Variants in FAM107B observed in about 807,000 individuals in gnomAD.
FAM107B encodes protein FAM107B.
FAM107B carries 21 observed loss-of-function variants against 31.5 expected under a neutral mutation model. The observed-to-expected ratio is 0.67, with a 90% confidence interval of 0.47 to 0.96. The LOEUF (loss-of-function observed/expected upper bound fraction) is 0.96, where lower values mean the gene tolerates loss of function less well. Ranked by LOEUF, FAM107B falls within the 40% of genes least tolerant of loss-of-function variation. The pLI is 0.00. For missense variants in FAM107B, 452 were observed against 377.1 expected (o/e 1.20, Z -1.64); for synonymous variants, 157 against 141.5 (o/e 1.11, Z -0.78).
chr10:14,723,639 A>G, intron 1 of FAM107B: 2 of 723,300 alleles, frequency 2.8e-6, no homozygotes, highest in Non-Finnish European at 5.1e-6. Context: ...GAAGGTTAAC[A>G]TAGGATTACT....
chr10:14,632,610 CAAAA>C (rs5783414), intron 2 of FAM107B, among the ~76,000 whole-genome samples: 1 of 90,530 alleles, frequency 1.1e-5, no homozygotes, highest in Non-Finnish European at 2.2e-5. Context: ...GACTCTGTCT[CAAAA>C]AAAAAAAAAA....
chr10:14,522,429 T>TC (rs1447396269), intron 3 of FAM107B, among the ~76,000 whole-genome samples: 1 of 151,096 alleles, frequency 6.6e-6, no homozygotes, highest in Non-Finnish European at 1.5e-5. Context: ...TTTTTTTTTT[T>TC]CTGAGACAGA....
At chr10:14,764,360 T>C (rs959858463) in intron 1 of FAM107B, among the ~76,000 whole-genome samples, 1 of 152,230 alleles carries the variant, frequency 6.6e-6, no homozygotes, top group Non-Finnish European at 1.5e-5. Flanking sequence ...AATCAAATCC[T>C]GCCTATGTGC....
intron 2 of FAM107B, among the ~76,000 whole-genome samples, chr10:14,633,983 A>G (rs978853524): frequency 6.6e-6 from 1 of 152,224 alleles, no homozygotes. Context: ...CTGAAGGGAC[A>G]CAGTAACATT....
chr10:14,586,982 G>A (rs1851864760), intron 2 of FAM107B, among the ~76,000 whole-genome samples: 3 of 152,208 alleles, frequency 2.0e-5, no homozygotes, highest in Admixed American at 2.0e-4. Context: ...AGTCCTATGA[G>A]AATGGAATAG....
In FAM107B at chr10:14,521,208, G is replaced by A; in HGVS notation, c.903C>T (p.Ala301=). The change falls in exon 5 of 5, where the codon GCC becomes GCT. Residue 301 remains alanine (A), a synonymous_variant. Coordinates refer to ENST00000181796, the MANE Select transcript of FAM107B (RefSeq NM_031453.4). The part of the protein sequence containing the change: ...GNLRRTGQEV[A]QAQES Reference sequence around the variant, plus strand: ...CCTCAGCCTAGGACTCCTGGGCTTGGGCGACTTCTTGGCCTGTTCTCCTGA... The same window carrying A: ...CCTCAGCCTAGGACTCCTGGGCTTGAGCGACTTCTTGGCCTGTTCTCCTGA... 1 of 1,614,072 alleles carries A rather than the reference G, an allele frequency of 6.2e-7. No individual in the cohort carries two copies. The highest frequency in any genetic ancestry group is 8.5e-7 in the Non-Finnish European group (1 of 1,179,990).
Position 14,521,176 on chromosome 10 carries a change from G to A in FAM107B, c.*14C>T, listed in dbSNP as rs759715125. 6.2e-7 allele frequency: 1 copy of A among 1,605,168 alleles called. No homozygotes were observed. The highest frequency in any genetic ancestry group is 8.5e-7 in the Non-Finnish European group (1 of 1,172,110). ...TCTGTGGGGTGACACACGAGGTCTT[G>A]GTGCAGCCTCAGCCTAGGACTCCTG... On this transcript the variant is annotated 3_prime_UTR_variant, in exon 5 of 5. Transcript: ENST00000181796.
intron 2 of FAM107B, among the ~76,000 whole-genome samples, chr10:14,546,634 A>C (rs1200196117): frequency 1.3e-5 from 2 of 152,176 alleles, no homozygotes; most frequent in Non-Finnish European, 1.5e-5. Flanking sequence ...ATGTTTAAAA[A>C]CCAGTGACTG....
At chr10:14,758,050 A>T (rs189239285) in intron 1 of FAM107B, among the ~76,000 whole-genome samples, 1 of 152,096 alleles carries the variant, frequency 6.6e-6, no homozygotes, top group Admixed American at 6.6e-5. Context: ...ATAGGAGGGG[A>T]AAAAAAGTCT....
chr10:14,649,173 C>G (rs146840709), intron 2 of FAM107B, among the ~76,000 whole-genome samples: 1 of 152,322 alleles, frequency 6.6e-6, no homozygotes, highest in East Asian at 1.9e-4. Context: ...TGCTGACTAA[C>G]ATTAGCATTA....
intron 1 of FAM107B, among the ~76,000 whole-genome samples, chr10:14,677,195 C>T (rs1240537334): frequency 6.6e-6 from 1 of 152,178 alleles, no homozygotes; most frequent in East Asian, 1.9e-4. Flanking sequence ...AACTCATCAA[C>T]GCAGCCAAAG....
chr10:14,761,783 A>T (rs949247807), intron 1 of FAM107B, among the ~76,000 whole-genome samples: 3 of 151,010 alleles, frequency 2.0e-5, no homozygotes, highest in East Asian at 2.0e-4. Context: ...TTTTTAGTAG[A>T]GGGGGGGGTT....
intron 1 of FAM107B, among the ~76,000 whole-genome samples, chr10:14,678,444 C>T (rs1217943175): frequency 2.6e-5 from 4 of 152,240 alleles, no homozygotes; most frequent in East Asian, 1.9e-4. Context: ...ACACATTGAC[C>T]GAGAAACTTC....
intron 2 of FAM107B, among the ~76,000 whole-genome samples, chr10:14,661,198 C>T (rs1854228961): frequency 6.6e-6 from 1 of 152,148 alleles, no homozygotes; most frequent in Admixed American, 6.6e-5. Flanking sequence ...ATAAATTATC[C>T]CGTCTCAGGT....
Position 14,620,568 on chromosome 10 carries a change from C to T in FAM107B, c.469+47066G>A, listed in dbSNP as rs1036307189. Among the ~76,000 whole-genome samples, 4 of 152,062 alleles carry T rather than the reference C, an allele frequency of 2.6e-5. No individual in the cohort carries two copies. The South Asian group carries it at 8.3e-4, about 31-fold the overall frequency. ...TTATTATAATTTAAGTTCTGGGATA[C>T]ATGTGCAGAACATGCAGGTTTCTTA... On this transcript the variant is annotated intron_variant, in intron 2 of 4. Coordinates refer to ENST00000181796, the MANE Select transcript of FAM107B (RefSeq NM_031453.4).
chr10:14,530,110 G>A, intron 3 of FAM107B: 1 of 489,642 alleles, frequency 2.0e-6, no homozygotes, highest in South Asian at 3.6e-5. Context: ...CGTGACTGCA[G>A]GAGTCTGGAA....
In FAM107B at chr10:14,737,766, T is replaced by TTCTCTCTCTCTCTCTCTCTCTCTCTCTC. The variant is rs11276189; in HGVS notation, c.411+36459_411+36486dup. ...CCATGCAGTGCTGTGCGTGCACGCTTTCTCTCTCTCTCTCTCTCTCTCTCT... is the reference window on the plus strand; with the variant it reads ...CCATGCAGTGCTGTGCGTGCACGCTTTCTCTCTCTCTCTCTCTCTCTCTCTCTCTCTCTCTCTCTCTCTCTCTCTCTCT... On this transcript the variant is annotated intron_variant, in intron 1 of 4. Coordinates refer to ENST00000181796, the MANE Select transcript of FAM107B (RefSeq NM_031453.4). Among the ~76,000 whole-genome samples the TTCTCTCTCTCTCTCTCTCTCTCTCTCTC allele has an allele frequency of 2.1e-3, 266 of 127,084 alleles. 15 individuals carry two copies. Among genetic ancestry groups the TTCTCTCTCTCTCTCTCTCTCTCTCTCTC allele is most frequent in the East Asian group, 0.011 (41 of 3,860 alleles). The allele number at this position is 127,084 out of a possible 152,430, so 83.4% of individuals were successfully genotyped here. A position where few individuals can be genotyped will look rare whatever the true frequency, so the allele number is the denominator to read the frequency against.
At chr10:14,586,644 C>T (rs1851852144) in intron 2 of FAM107B, among the ~76,000 whole-genome samples, 1 of 152,200 alleles carries the variant, frequency 6.6e-6, no homozygotes, top group Non-Finnish European at 1.5e-5. Flanking sequence ...TCACCAGACA[C>T]CAAATCTGCC....
chr10:14,720,130 GC>G (rs1356056203), intron 1 of FAM107B, among the ~76,000 whole-genome samples: 2 of 152,200 alleles, frequency 1.3e-5, no homozygotes, highest in Non-Finnish European at 2.9e-5. Context: ...AAATGAAAGA[GC>G]TAGACTAGAT....
Sources: gnomAD v4.1 joint callset for allele counts (sites outside exome capture counted in the v4.1 genomes callset) on GRCh38, gnomAD v4.1.1 for gene constraint, MANE v1.5 for transcripts, NCBI Gene and HGNC (gene_info 2026-07-23, HGNC 2026-07-21) for gene names.